GSTCD: variants seen among roughly 807,000 people sequenced by gnomAD.
The protein encoded by GSTCD is glutathione S-transferase C-terminal domain containing.
A neutral mutation model predicts 68.3 loss-of-function variants in GSTCD; 44 were observed. That is an observed-to-expected ratio of 0.64 (90% CI 0.51 to 0.83). The LOEUF (loss-of-function observed/expected upper bound fraction) is 0.83. GSTCD is among the 40% of genes least tolerant of loss of function. The pLI is 0.00. For missense variants in GSTCD, 739 were observed against 735.9 expected (o/e 1.00, Z -0.05); for synonymous variants, 273 against 255.2 (o/e 1.07, Z -0.67).
intron 5 of GSTCD, among the ~76,000 whole-genome samples, chr4:105,731,954 G>T (rs1390861703): frequency 6.6e-6 from 1 of 152,164 alleles, no homozygotes. Context: ...AGATAATCAT[G>T]TGGTTTTTGT....
intron 4 of GSTCD, among the ~76,000 whole-genome samples, chr4:105,728,686 G>GATATAGAT (rs1733125193): frequency 1.5e-4 from 6 of 40,770 alleles, no homozygotes; most frequent in African/African-American, 2.4e-4. Flanking sequence ...TAGATATATA[G>GATATAGAT]ATATAGATAT....
chr4:105,823,547 A>C (rs1723421714), intron 7 of GSTCD: 5 of 264,616 alleles, frequency 1.9e-5, no homozygotes, highest in Non-Finnish European at 3.5e-5. Flanking sequence ...TGCTAAATAA[A>C]ATAATTATGA....
At position 105,733,840 on chromosome 4, in the gene GSTCD, ATG is replaced by A. The variant is rs1733348363; in HGVS notation, c.1240+4343_1240+4344del. ...TGGCTGGTAGCGGTTTTTCCTTTCCATGTTTAGTGCTTCCTTCAGGAGCTCTT... is the reference window on the plus strand; with the variant it reads ...TGGCTGGTAGCGGTTTTTCCTTTCCATTTAGTGCTTCCTTCAGGAGCTCTT... On this transcript the variant is annotated intron_variant, in intron 5 of 11. Transcript: ENST00000515279. Among the ~76,000 whole-genome samples, 8 of 151,950 alleles carry A rather than the reference ATG, an allele frequency of 5.3e-5. No individual in the cohort carries two copies. The South Asian group carries it at 1.7e-3, about 32-fold the overall frequency.
chr4:105,784,212 A>G (rs746345580), intron 5 of GSTCD, among the ~76,000 whole-genome samples: 3 of 152,204 alleles, frequency 2.0e-5, no homozygotes, highest in Non-Finnish European at 2.9e-5. Context: ...GTAACAGAAT[A>G]TCATAGACTA....
intron 8 of GSTCD, among the ~76,000 whole-genome samples, chr4:105,834,169 C>T (rs927839488): frequency 6.6e-6 from 1 of 152,102 alleles, no homozygotes; most frequent in Non-Finnish European, 1.5e-5. Flanking sequence ...GTAATAGACT[C>T]GAAATTCTTG....
At chr4:105,770,825 A>G (rs1204267923) in intron 5 of GSTCD, among the ~76,000 whole-genome samples, 1 of 152,168 alleles carries the variant, frequency 6.6e-6, no homozygotes, top group Admixed American at 6.5e-5. Flanking sequence ...CAGTGCTGCA[A>G]TAAACTATGT....
intron 5 of GSTCD, among the ~76,000 whole-genome samples, chr4:105,770,535 C>CT (rs1296541107): frequency 2.6e-5 from 4 of 152,052 alleles, no homozygotes; most frequent in Non-Finnish European, 5.9e-5. Context: ...CCCCCAAACT[C>CT]TAACAGGCCC....
intron 3 of GSTCD, among the ~76,000 whole-genome samples, chr4:105,721,360 A>G (rs1288133204): frequency 6.6e-6 from 1 of 152,188 alleles, no homozygotes; most frequent in East Asian, 1.9e-4. Context: ...GCTTGCATTA[A>G]CATACATTGA....
In GSTCD at chr4:105,738,201, A is replaced by G. The variant is rs368929262; in HGVS notation, c.1240+8702A>G. 5.3e-5 allele frequency among the ~76,000 whole-genome samples: 8 copies of G among 152,308 alleles called. No individual in the cohort carries two copies. The East Asian group carries it at 7.7e-4, about 15-fold the overall frequency. Reference sequence around the variant, plus strand: ...TATAGCAATATACAAATGGTCAAAGACAAGTGGATTCATTTCTGGGTTCTC... The same window carrying G: ...TATAGCAATATACAAATGGTCAAAGGCAAGTGGATTCATTTCTGGGTTCTC... On this transcript the variant is annotated intron_variant, in intron 5 of 11. Transcript: ENST00000515279.
intron 5 of GSTCD, among the ~76,000 whole-genome samples, chr4:105,766,321 T>C (rs1444350857): frequency 6.6e-6 from 1 of 152,096 alleles, no homozygotes; most frequent in East Asian, 1.9e-4. Flanking sequence ...GGAGACACTA[T>C]GGGAAACAAA....
At chr4:105,831,896 G>A (rs145744727) in intron 8 of GSTCD, among the ~76,000 whole-genome samples, 227 of 152,076 alleles carry the variant, frequency 1.5e-3, no homozygotes, top group African/African-American at 4.9e-3. Context: ...AGATCACACC[G>A]TTGCACTCCA....
At chr4:105,750,395 G>A (rs939281851) in intron 5 of GSTCD, among the ~76,000 whole-genome samples, 12 of 151,292 alleles carry the variant, frequency 7.9e-5, no homozygotes, top group African/African-American at 2.2e-4. Flanking sequence ...GGGAGGCGGA[G>A]GTTGCTGTGA....
chr4:105,826,903 G>C (rs1723649855), intron 8 of GSTCD, among the ~76,000 whole-genome samples: 2 of 152,014 alleles, frequency 1.3e-5, no homozygotes, highest in African/African-American at 4.8e-5. Context: ...TAGTATTTCT[G>C]ATTTTTACCC....
chr4:105,827,679 G>A (rs920427010), intron 8 of GSTCD, among the ~76,000 whole-genome samples: 1 of 152,020 alleles, frequency 6.6e-6, no homozygotes, highest in Non-Finnish European at 1.5e-5. Context: ...TGGCTAGAGA[G>A]GAAAGCAGAA....
chr4:105,784,910 A>G (rs1735406235), intron 5 of GSTCD, among the ~76,000 whole-genome samples: 1 of 152,198 alleles, frequency 6.6e-6, no homozygotes, highest in Admixed American at 6.5e-5. Context: ...ACATCACAAA[A>G]TGTTCCAAGA....
In GSTCD at chr4:105,719,134, C is replaced by G. The variant is rs1273134268; in HGVS notation, c.501C>G (p.Asp167Glu). ...AIENFLRESSDQPPTIPVEIL... is the reference protein window; with the variant it reads ...AIENFLRESSEQPPTIPVEIL... ...AGAATTTTCTCAGAGAATCTTCTGA[C>G]CAGCCCCCAACTATACCTGTAGAAA... is the stretch of plus-strand genomic sequence containing the variant. Residue 167 changes from aspartate (D) to glutamate (E), a missense_variant, in exon 3 of 12, where the codon GAC becomes GAG. Transcript: ENST00000515279. The G allele has an allele frequency of 1.9e-6, 3 of 1,613,968 alleles. No homozygotes were observed. The African/African-American group carries it at 4.0e-5, about 22-fold the overall frequency.
chr4:105,728,918 C>T (rs1733133793), intron 4 of GSTCD, among the ~76,000 whole-genome samples: 1 of 152,040 alleles, frequency 6.6e-6, no homozygotes, highest in African/African-American at 2.4e-5. Context: ...TCTCTAGTGA[C>T]ATTAAAGGCA....
chr4:105,719,331 C>T lies in GSTCD; in HGVS notation c.698C>T (p.Ser233Leu). 1 of 1,614,146 alleles carries T rather than the reference C, an allele frequency of 6.2e-7. No individual in the cohort carries two copies. The highest frequency in any genetic ancestry group is 1.7e-5 in the Admixed American group (1 of 59,986). Reference sequence around the variant, plus strand: ...GAAACATCTGAAGGGTTGGATTCTTCATCCAAGAGTCTGGAACTGAAAGTG... The same window carrying T: ...GAAACATCTGAAGGGTTGGATTCTTTATCCAAGAGTCTGGAACTGAAAGTG... ...TQETSEGLDS[S>L]SKSLELKVAF... Residue 233 changes from serine (S) to leucine (L), a missense_variant, in exon 3 of 12, where the codon TCA becomes TTA. Coordinates refer to ENST00000515279, the MANE Select transcript of GSTCD (RefSeq NM_001370181.1).
chr4:105,782,367 C>G (rs1048812975), intron 5 of GSTCD, among the ~76,000 whole-genome samples: 6 of 151,940 alleles, frequency 3.9e-5, no homozygotes, highest in Admixed American at 3.9e-4. Flanking sequence ...GCATGGTGTG[C>G]GCACCTCCCA....
Sources: gnomAD v4.1 joint callset for allele counts (sites outside exome capture counted in the v4.1 genomes callset) on GRCh38, gnomAD v4.1.1 for gene constraint, MANE v1.5 for transcripts, NCBI Gene and HGNC (gene_info 2026-07-23, HGNC 2026-07-21) for gene names.